UGT1A10: variants seen among roughly 807,000 people sequenced by gnomAD.
UGT1A10 encodes UDP glucuronosyltransferase family 1 member A10, also known as UDP-glucuronosyltransferase 1A10.
In UGT1A10, 49 loss-of-function variants were observed where a neutral mutation model predicts 45.8. The ratio of observed to expected loss-of-function variants is 1.07; its 90% CI spans 0.85 to 1.36. UGT1A10 has a LOEUF of 1.36. Ranked by LOEUF, UGT1A10 falls within the 40% of genes most tolerant of loss-of-function variation. The probability of loss-of-function intolerance (pLI) is 0.00; values close to 1 mark genes in which losing one functional copy is unlikely to be tolerated. For synonymous variants in UGT1A10, 284 were observed against 249.7 expected (o/e 1.14, Z -1.29); for missense variants, 745 against 668.6 (o/e 1.11, Z -1.26).
At chr2:233,731,532 G>A (rs1386251909) in intron 1 of UGT1A10, among the ~76,000 whole-genome samples, 1 of 152,172 alleles carries the variant, frequency 6.6e-6, no homozygotes, top group Non-Finnish European at 1.5e-5. Context: ...AGAACATGCG[G>A]TGTTTGGTTT....
In UGT1A10 at chr2:233,636,650, C is replaced by T. The variant is rs769189062; in HGVS notation, c.128C>T (p.Ser43Leu). ...GGGAGTCACTGGTTCACCATGCAGT[C>T]GGTGGTGGAGAAACTTATCCTCAGG... ...MDGSHWFTMQ[S>L]VVEKLILRGH... The change falls in exon 1 of 5, where the codon TCG (serine) becomes TTG (leucine). Residue 43 changes from serine to leucine, a missense_variant. Coordinates refer to ENST00000344644, the MANE Select transcript of UGT1A10 (RefSeq NM_019075.4). 19 of 1,613,800 alleles carry T rather than the reference C, an allele frequency of 1.2e-5. No individual in the cohort carries two copies. The highest frequency in any genetic ancestry group is 5.0e-5 in the Admixed American group (3 of 59,982).
chr2:233,689,091 C>A (rs2074925842), intron 1 of UGT1A10, among the ~76,000 whole-genome samples: 1 of 152,176 alleles, frequency 6.6e-6, no homozygotes, highest in Admixed American at 6.5e-5. Flanking sequence ...GTGGCCTGTG[C>A]CCCTCCCCAC....
intron 1 of UGT1A10, among the ~76,000 whole-genome samples, chr2:233,714,807 A>G (rs1400219342): frequency 6.6e-6 from 1 of 152,236 alleles, no homozygotes; most frequent in Non-Finnish European, 1.5e-5. Context: ...CAATATTCAT[A>G]TGTAGTTAGT....
At chr2:233,713,320 T>C (rs778430084) in intron 1 of UGT1A10, 1 of 1,614,228 alleles carries the variant, frequency 6.2e-7, no homozygotes, top group Admixed American at 1.7e-5. Context: ...CTGATGAAAT[T>C]TTCTAGAAGA....
At chr2:233,679,936 A>G (rs2074466916) in intron 1 of UGT1A10, among the ~76,000 whole-genome samples, 1 of 152,138 alleles carries the variant, frequency 6.6e-6, no homozygotes, top group African/African-American at 2.4e-5. Context: ...TATTTCACAA[A>G]AAGATGCGAG....
At chr2:233,770,670 A>C (rs1409019520) in intron 4 of UGT1A10, 2 of 152,132 alleles carry the variant, frequency 1.3e-5, no homozygotes, top group Non-Finnish European at 2.9e-5. Flanking sequence ...TTAAAAAAAA[A>C]AAAAAGAAGG....
chr2:233,767,888 G>A lies in UGT1A10; in HGVS notation c.1027G>A (p.Ala343Thr), dbSNP rs771899094. 2 of 1,614,028 alleles carry A rather than the reference G, an allele frequency of 1.2e-6. No individual in the cohort carries two copies. The highest frequency in any genetic ancestry group is 3.3e-5 in the Admixed American group (2 of 60,002). The stretch of plus-strand genomic sequence containing the variant: ...CACTGGAACCCGACCATCGAATCTT[G>A]CGAACAACACGATACTTGTTAAGTG... ...RYTGTRPSNL[A>T]NNTILVKWLP... Residue 343 changes from alanine to threonine, a missense_variant, in exon 3 of 5, where the codon GCG becomes ACG. By Grantham distance (58) the Ala-to-Thr change is moderately conservative. Transcript: ENST00000344644.
At chr2:233,753,470 T>A (rs532317483) in intron 1 of UGT1A10, 1 of 152,352 alleles carries the variant, frequency 6.6e-6, no homozygotes, top group South Asian at 2.1e-4. Context: ...CTGTAAAAAA[T>A]TACCAGCATG....
intron 1 of UGT1A10, among the ~76,000 whole-genome samples, chr2:233,640,903 A>C (rs28969977): frequency 0.016 from 2,413 of 152,306 alleles, 55 homozygotes; most frequent in African/African-American, 0.054. Context: ...TGGCAGGACC[A>C]GGGGAAAGCA....
chr2:233,678,869 C>T (rs1002668336), intron 1 of UGT1A10, among the ~76,000 whole-genome samples: 4 of 152,172 alleles, frequency 2.6e-5, no homozygotes, highest in Non-Finnish European at 5.9e-5. Context: ...TCCATAATCC[C>T]TTCATGACTT....
chr2:233,704,764 C>T (rs183614889), intron 1 of UGT1A10, among the ~76,000 whole-genome samples: 5 of 152,192 alleles, frequency 3.3e-5, no homozygotes, highest in East Asian at 1.9e-4. Flanking sequence ...AAATATATTA[C>T]GCTTCCATAT....
At chr2:233,725,353 T>G in intron 1 of UGT1A10, among the ~76,000 whole-genome samples, 1 of 141,520 alleles carries the variant, frequency 7.1e-6, no homozygotes, top group African/African-American at 2.6e-5. Flanking sequence ...TAAGAATGTT[T>G]CTTATGAAGA....
intron 1 of UGT1A10, among the ~76,000 whole-genome samples, chr2:233,640,559 A>T (rs1471108710): frequency 6.6e-6 from 1 of 152,206 alleles, no homozygotes; most frequent in Non-Finnish European, 1.5e-5. Flanking sequence ...AGAATTCAGA[A>T]ATAAACCCAT....
At chr2:233,669,868 A>G (rs904067084) in intron 1 of UGT1A10, among the ~76,000 whole-genome samples, 27 of 152,168 alleles carry the variant, frequency 1.8e-4, no homozygotes, top group Admixed American at 5.2e-4. Context: ...CATTTTTAGT[A>G]GAGATAGGGT....
At chr2:233,743,057 T>A (rs1175965330) in intron 1 of UGT1A10, 1 of 324,210 alleles carries the variant, frequency 3.1e-6, no homozygotes, top group Non-Finnish European at 6.0e-6. Flanking sequence ...GTCCCAACGA[T>A]AAGAACAGGT....
chr2:233,641,775 T>G (rs2073459176), intron 1 of UGT1A10, among the ~76,000 whole-genome samples: 1 of 152,214 alleles, frequency 6.6e-6, no homozygotes, highest in African/African-American at 2.4e-5. Flanking sequence ...TCACCAGATA[T>G]ACTATTCTGG....
At chr2:233,743,218 T>C in intron 1 of UGT1A10, 1 of 410,544 alleles carries the variant, frequency 2.4e-6, no homozygotes. Flanking sequence ...GTAACTGCTC[T>C]TTGCTATTTA....
In UGT1A10 at chr2:233,648,366, A is replaced by G. The variant is rs535149075; in HGVS notation, c.855+10989A>G. 90 of 401,318 alleles carry G rather than the reference A, an allele frequency of 2.2e-4. No individual in the cohort carries two copies. The Admixed American group carries it at 2.5e-3, about 11-fold the overall frequency. 24.9% of individuals were successfully genotyped at this position (401,318 alleles called of 1,614,324 possible). ...GAGGAATACTTTGACATTACCTTGAAGAAGGTGCACAGTGCCCTGCTTCTC... is the reference window on the plus strand; with the variant it reads ...GAGGAATACTTTGACATTACCTTGAGGAAGGTGCACAGTGCCCTGCTTCTC... On this transcript the variant is annotated intron_variant, in intron 1 of 4. Transcript: ENST00000344644.
At chr2:233,649,434 C>T (rs958980207) in intron 1 of UGT1A10, among the ~76,000 whole-genome samples, 1 of 152,138 alleles carries the variant, frequency 6.6e-6, no homozygotes, top group African/African-American at 2.4e-5. Flanking sequence ...ACCTGTACTA[C>T]CTGCTGCAGT....
Sources: allele counts gnomAD v4.1 joint callset (sites outside exome capture counted in the v4.1 genomes callset), GRCh38; gene constraint gnomAD v4.1.1; transcripts MANE v1.5; gene names NCBI Gene and HGNC (gene_info 2026-07-23, HGNC 2026-07-21).